Variants in CACNA2D3 observed in about 807,000 individuals in gnomAD.
CACNA2D3 encodes voltage-dependent calcium channel subunit alpha-2/delta-3.
In CACNA2D3, 60 loss-of-function variants were observed where a neutral mutation model predicts 160.6. The observed-to-expected ratio is 0.37, with a 90% CI of 0.30 to 0.46. The LOEUF (loss-of-function observed/expected upper bound fraction) is 0.46. Among genes scored for constraint, CACNA2D3 ranks in the 20% least tolerant of loss-of-function variants. The probability of loss-of-function intolerance (pLI) is 1.00; values close to 1 mark genes in which losing one functional copy is unlikely to be tolerated. For synonymous variants in CACNA2D3, 558 were observed against 492.9 expected, an observed-to-expected ratio of 1.13 and a Z score of -1.75; for missense variants, 1,205 against 1,365.0, an observed-to-expected ratio of 0.88 and a Z score of 1.85.
chr3:54,125,450 T>A (rs1026087102), intron 2 of CACNA2D3, among the ~76,000 whole-genome samples: 1 of 152,222 alleles, frequency 6.6e-6, no homozygotes, highest in Non-Finnish European at 1.5e-5. Flanking sequence ...CAGCTGTTTA[T>A]GGCTTTGTTA....
chr3:54,680,044 T>C (rs1700312769), intron 11 of CACNA2D3, among the ~76,000 whole-genome samples: 1 of 152,214 alleles, frequency 6.6e-6, no homozygotes, highest in Non-Finnish European at 1.5e-5. Flanking sequence ...AGTTCTTCTT[T>C]CCTATATGAA....
intron 4 of CACNA2D3, among the ~76,000 whole-genome samples, chr3:54,441,981 T>G (rs542693211): frequency 6.6e-6 from 1 of 152,170 alleles, no homozygotes; most frequent in African/African-American, 2.4e-5. Context: ...AATTTAAAAC[T>G]TTTTTTAGAG....
At chr3:54,502,552 G>A (rs1280825399) in intron 4 of CACNA2D3, among the ~76,000 whole-genome samples, 2 of 152,078 alleles carry the variant, frequency 1.3e-5, no homozygotes, top group African/African-American at 4.8e-5. Flanking sequence ...AGCCTCTAGA[G>A]CATATTAATT....
chr3:55,073,912 GTC>G, intron 37 of CACNA2D3, 53 bp downstream of exon 37: 2 of 1,423,736 alleles, frequency 1.4e-6, no homozygotes, highest in Non-Finnish European at 2.0e-6. Context: ...CACCACGAGA[GTC>G]TCACACTGGT....
At chr3:54,580,583 G>C (rs1702658743) in intron 8 of CACNA2D3, among the ~76,000 whole-genome samples, 1 of 152,146 alleles carries the variant, frequency 6.6e-6, no homozygotes, top group Non-Finnish European at 1.5e-5. Flanking sequence ...TGCTAAAGTA[G>C]ATATACCATA....
chr3:54,538,531 G>A (rs898566753), intron 5 of CACNA2D3, among the ~76,000 whole-genome samples: 13 of 152,228 alleles, frequency 8.5e-5, no homozygotes, highest in African/African-American at 3.1e-4. Flanking sequence ...GGGCTGTAAT[G>A]CTCCTCTGAC....
intron 20 of CACNA2D3, among the ~76,000 whole-genome samples, chr3:54,880,567 C>T (rs1262864863): frequency 6.6e-6 from 1 of 152,158 alleles, no homozygotes; most frequent in Non-Finnish European, 1.5e-5. Context: ...AAAGAGTAGC[C>T]AATTGCTGCT....
intron 4 of CACNA2D3, among the ~76,000 whole-genome samples, chr3:54,500,713 T>G (rs1412242877): frequency 1.3e-5 from 2 of 152,150 alleles, no homozygotes; most frequent in Non-Finnish European, 2.9e-5. Flanking sequence ...TAAATTATGC[T>G]TCCTTTTACA....
chr3:54,682,768 C>T (rs959307370), intron 11 of CACNA2D3, among the ~76,000 whole-genome samples: 5 of 152,084 alleles, frequency 3.3e-5, no homozygotes, highest in Admixed American at 1.3e-4. Context: ...ATCTAATCTT[C>T]CCACAAGGTC....
At chr3:54,207,133 A>C (rs1576998824) in intron 2 of CACNA2D3, among the ~76,000 whole-genome samples, 1 of 151,426 alleles carries the variant, frequency 6.6e-6, no homozygotes, top group African/African-American at 2.4e-5. Context: ...GGAGGCTGGG[A>C]AATGTAGTCT....
intron 12 of CACNA2D3, among the ~76,000 whole-genome samples, chr3:54,762,855 G>T (rs1329112060): frequency 6.6e-6 from 1 of 152,206 alleles, no homozygotes; most frequent in Non-Finnish European, 1.5e-5. Flanking sequence ...ACTTTGGGAG[G>T]CCGAGGCAGG....
At chr3:54,962,152 T>C (rs1403223791) in intron 27 of CACNA2D3, among the ~76,000 whole-genome samples, 3 of 152,226 alleles carry the variant, frequency 2.0e-5, no homozygotes, top group Admixed American at 1.3e-4. Flanking sequence ...CACCTCTTAA[T>C]ACTGCTGCAT....
chr3:55,005,984 C>T (rs1371061118), intron 32 of CACNA2D3, among the ~76,000 whole-genome samples: 3 of 152,172 alleles, frequency 2.0e-5, no homozygotes, highest in Admixed American at 6.5e-5. Context: ...ATAATTAACA[C>T]GGTTCTCCTA....
intron 4 of CACNA2D3, among the ~76,000 whole-genome samples, chr3:54,448,189 G>A (rs1206969907): frequency 1.3e-5 from 2 of 152,172 alleles, no homozygotes; most frequent in Non-Finnish European, 2.9e-5. Context: ...CAAGCCCAGT[G>A]GGAAAGAAGA....
At chr3:54,705,525 G>A (rs1228012145) in intron 11 of CACNA2D3, among the ~76,000 whole-genome samples, 2 of 152,126 alleles carry the variant, frequency 1.3e-5, no homozygotes, top group East Asian at 3.9e-4. Context: ...GTGAAGGGAT[G>A]ACTTCACAGT....
chr3:54,928,228 A>G (rs1701083958), intron 27 of CACNA2D3, among the ~76,000 whole-genome samples: 2 of 152,204 alleles, frequency 1.3e-5, no homozygotes, highest in African/African-American at 4.8e-5. Flanking sequence ...TGAGCCGCGT[A>G]AAGAATGTTT....
intron 4 of CACNA2D3, among the ~76,000 whole-genome samples, chr3:54,400,254 C>T (rs7374416): frequency 0.22 from 32,480 of 150,052 alleles, 3,565 homozygotes; most frequent in Admixed American, 0.29. Flanking sequence ...AGAAATCACC[C>T]GTCTTCTGTG....
chr3:54,719,426 TTTC>T (rs1325168651), intron 11 of CACNA2D3, among the ~76,000 whole-genome samples: 19 of 152,094 alleles, frequency 1.2e-4, no homozygotes, highest in Admixed American at 3.3e-4. Context: ...TATATAATTT[TTTC>T]TTCTTTTTTA....
At chr3:54,799,190 G>A (rs1702931501) in intron 13 of CACNA2D3, among the ~76,000 whole-genome samples, 1 of 152,168 alleles carries the variant, frequency 6.6e-6, no homozygotes. Context: ...TAACATAGCA[G>A]AAATGCCTGG....
Sources: gnomAD v4.1 joint callset for allele counts (sites outside exome capture counted in the v4.1 genomes callset) on GRCh38, gnomAD v4.1.1 for gene constraint, MANE v1.5 for transcripts, NCBI Gene and HGNC (gene_info 2026-07-23, HGNC 2026-07-21) for gene names.